The following GOLIM4 variants were observed in gnomAD, a reference collection of about 807,000 sequenced individuals.
GOLIM4 encodes the protein golgi integral membrane protein 4.
GOLIM4 carries 71 observed loss-of-function variants against 107.4 expected under a neutral mutation model. That is an observed-to-expected ratio of 0.66 (90% CI 0.55 to 0.81). GOLIM4 has a LOEUF of 0.81. Ranked by LOEUF, GOLIM4 falls within the 30% of genes least tolerant of loss-of-function variation. GOLIM4 has a pLI of 0.00. For synonymous variants in GOLIM4, 327 were observed against 294.8 expected (o/e 1.11, Z -1.12); for missense variants, 830 against 826.1 (o/e 1.00, Z -0.06).
At chr3:168,029,400 T>G in intron 10 of GOLIM4, 98 bp from the exon 11 acceptor site, 1 of 727,674 alleles carries the variant, frequency 1.4e-6, no homozygotes, top group Non-Finnish European at 2.2e-6. Flanking sequence ...TAAGTAATGT[T>G]TCTCAACATT....
chr3:168,089,778 T>C (rs1721812864), intron 1 of GOLIM4, among the ~76,000 whole-genome samples: 1 of 151,438 alleles, frequency 6.6e-6, no homozygotes, highest in African/African-American at 2.4e-5. Context: ...TCTTTTTTTT[T>C]TTTTTTTTGA....
chr3:168,015,255 CAGAG>C (rs1014980560), intron 14 of GOLIM4, among the ~76,000 whole-genome samples: 3 of 138,570 alleles, frequency 2.2e-5, no homozygotes, highest in Admixed American at 1.4e-4. Flanking sequence ...AACAGACAAA[CAGAG>C]AGCCAAATCA....
At chr3:168,028,794 C>T (rs963401732) in intron 11 of GOLIM4, among the ~76,000 whole-genome samples, 3 of 152,068 alleles carry the variant, frequency 2.0e-5, no homozygotes, top group African/African-American at 7.2e-5. Flanking sequence ...CATTCTGGTT[C>T]TATTATAACA....
At chr3:168,070,936 T>C (rs935942293) in intron 1 of GOLIM4, among the ~76,000 whole-genome samples, 7 of 152,140 alleles carry the variant, frequency 4.6e-5, no homozygotes, top group African/African-American at 1.4e-4. Flanking sequence ...ACTTGCTAAA[T>C]CTATTCTAAG....
rs1302078018 is a variant in GOLIM4, at chr3:168,095,371, T to G, written c.-86A>C. 7 of 1,152,330 alleles carry G rather than the reference T, an allele frequency of 6.1e-6. No homozygotes were observed. The Admixed American group carries it at 1.4e-4, about 23-fold the overall frequency. The allele number at this position is 1,152,330 out of a possible 1,614,324, so 71.4% of individuals were successfully genotyped here. ...AGCGTCTCAGCAGCGGCCGCCGCAG[T>G]AGGTGGCCAGACGCAGCATGAGGAG... On this transcript the variant is annotated 5_prime_UTR_variant, in exon 1 of 16. Transcript: ENST00000470487.
chr3:168,068,453 C>T (rs1720660339), intron 1 of GOLIM4, among the ~76,000 whole-genome samples: 1 of 152,040 alleles, frequency 6.6e-6, no homozygotes, highest in Admixed American at 6.5e-5. Context: ...TTTTAAAAAA[C>T]AGGTATGCAA....
chr3:168,036,343 C>T (rs1222056143), intron 8 of GOLIM4, among the ~76,000 whole-genome samples: 1 of 152,134 alleles, frequency 6.6e-6, no homozygotes, highest in Non-Finnish European at 1.5e-5. Context: ...GAGTTCAAGA[C>T]CAGCCTGGCC....
chr3:168,071,306 T>A (rs186759950), intron 1 of GOLIM4, among the ~76,000 whole-genome samples: 251 of 152,336 alleles, frequency 1.6e-3, no homozygotes, highest in African/African-American at 5.7e-3. Context: ...CTCATTTTTT[T>A]AAATCCATAA....
At chr3:168,088,341 A>T (rs1721729165) in intron 1 of GOLIM4, among the ~76,000 whole-genome samples, 1 of 152,176 alleles carries the variant, frequency 6.6e-6, no homozygotes, top group African/African-American at 2.4e-5. Context: ...TGGGCAAAAT[A>T]AAAAGAAGCC....
intron 5 of GOLIM4, among the ~76,000 whole-genome samples, chr3:168,042,501 G>A (rs1577531907): frequency 6.6e-6 from 1 of 152,046 alleles, no homozygotes; most frequent in African/African-American, 2.4e-5. Flanking sequence ...GGCTGGTCTC[G>A]AACTCCTGAC....
intron 7 of GOLIM4, among the ~76,000 whole-genome samples, chr3:168,038,203 A>G (rs1443948882): frequency 6.6e-6 from 1 of 152,232 alleles, no homozygotes; most frequent in East Asian, 1.9e-4. Flanking sequence ...AGAAATCTAA[A>G]TATTTGCAAA....
chr3:168,037,949 AGG>A (rs1718756135), intron 7 of GOLIM4, among the ~76,000 whole-genome samples: 1 of 152,230 alleles, frequency 6.6e-6, no homozygotes, highest in Non-Finnish European at 1.5e-5. Flanking sequence ...CTTCCCAGAC[AGG>A]GCCAGCTCCG....
chr3:168,017,816 T>A (rs901038381), intron 14 of GOLIM4, among the ~76,000 whole-genome samples: 3 of 151,842 alleles, frequency 2.0e-5, no homozygotes, highest in Non-Finnish European at 4.4e-5. Context: ...TTGAACTGCC[T>A]CAAAAATTCC....
intron 8 of GOLIM4, 99 bp downstream of exon 8, chr3:168,036,737 G>A (rs1718671079): frequency 1.1e-6 from 1 of 872,498 alleles, no homozygotes. Context: ...GAGAACTACT[G>A]CTCTCCCAGA....
intron 1 of GOLIM4, among the ~76,000 whole-genome samples, chr3:168,079,150 A>G (rs1385654267): frequency 6.6e-6 from 1 of 152,248 alleles, no homozygotes; most frequent in Non-Finnish European, 1.5e-5. Context: ...TAAAAGAACT[A>G]GAGCATTCAT....
chr3:168,012,674 G>A (rs1479151511), intron 14 of GOLIM4, among the ~76,000 whole-genome samples: 1 of 151,410 alleles, frequency 6.6e-6, no homozygotes, highest in Non-Finnish European at 1.5e-5. Flanking sequence ...AAGCCCATCA[G>A]ACTAACAGCG....
At chr3:168,066,319 T>C (rs892150167) in intron 1 of GOLIM4, among the ~76,000 whole-genome samples, 15 of 152,208 alleles carry the variant, frequency 9.9e-5, no homozygotes, top group Middle Eastern at 3.2e-3. Flanking sequence ...TCAGTGTTCA[T>C]AGTAATTTCA....
Position 168,055,564 on chromosome 3 carries a change from C to T in GOLIM4, c.188-7199G>A, listed in dbSNP as rs544404820. On this transcript the variant is annotated intron_variant, in intron 1 of 15. Coordinates refer to ENST00000470487, the MANE Select transcript of GOLIM4 (RefSeq NM_014498.5). Reference sequence around the variant, plus strand: ...CTGTAATCCCAGCACTTTGGGAGGCCGAGGTGGAGGGATCATGAGGTCAGG... The same window carrying T: ...CTGTAATCCCAGCACTTTGGGAGGCTGAGGTGGAGGGATCATGAGGTCAGG... Among the ~76,000 whole-genome samples, 20 of 151,924 alleles carry T rather than the reference C, an allele frequency of 1.3e-4. No individual in the cohort carries two copies. In the East Asian group the frequency reaches 2.1e-3, roughly 16 times the overall value.
chr3:168,048,184 G>A (rs570082322), intron 2 of GOLIM4, 107 bp downstream of exon 2: 1 of 678,966 alleles, frequency 1.5e-6, no homozygotes, highest in Non-Finnish European at 2.7e-6. Context: ...CTGACTTTGG[G>A]TTGATTTGAG....
Sources: gnomAD v4.1 joint callset for allele counts (sites outside exome capture counted in the v4.1 genomes callset) on GRCh38, gnomAD v4.1.1 for gene constraint, MANE v1.5 for transcripts, NCBI Gene and HGNC (gene_info 2026-07-23, HGNC 2026-07-21) for gene names.